Variants in SCUBE1 observed in about 807,000 individuals in gnomAD.
SCUBE1 encodes signal peptide, CUB and EGF-like domain-containing protein 1.
Under a neutral mutation model 124.4 loss-of-function variants are expected in SCUBE1, and 59 were observed. The ratio of observed to expected loss-of-function variants is 0.47; its 90% CI spans 0.38 to 0.59. The LOEUF (loss-of-function observed/expected upper bound fraction) is 0.59. Among genes scored for constraint, SCUBE1 ranks in the 20% least tolerant of loss-of-function variants. The probability of loss-of-function intolerance (pLI) is 0.00; values close to 1 mark genes in which losing one functional copy is unlikely to be tolerated. For synonymous variants in SCUBE1, 545 were observed against 550.9 expected, an observed-to-expected ratio of 0.99 and a Z score of 0.15; for missense variants, 1,150 against 1,371.2, an observed-to-expected ratio of 0.84 and a Z score of 2.55.
intron 7 of SCUBE1, among the ~76,000 whole-genome samples, chr22:43,233,233 G>T (rs1922626982): frequency 6.6e-6 from 1 of 152,144 alleles, no homozygotes; most frequent in South Asian, 2.1e-4. Context: ...GCGTGGTGGC[G>T]CATGCCTGTA....
At chr22:43,238,525 G>T in intron 7 of SCUBE1, 1 of 590,292 alleles carries the variant, frequency 1.7e-6, no homozygotes, top group Admixed American at 3.0e-5. Context: ...AAGTCCCACA[G>T]TAGAGACGCT....
At chr22:43,298,311 T>C (rs956389491) in intron 3 of SCUBE1, among the ~76,000 whole-genome samples, 1 of 152,166 alleles carries the variant, frequency 6.6e-6, no homozygotes, top group Non-Finnish European at 1.5e-5. Context: ...TGCTTCCTGG[T>C]CTGGGCATCA....
At chr22:43,339,277 C>A in intron 1 of SCUBE1, 42 bp from the exon 2 acceptor site, 1 of 1,599,656 alleles carries the variant, frequency 6.3e-7, no homozygotes, top group Non-Finnish European at 8.5e-7. Flanking sequence ...TAAGGTGTGG[C>A]CCCAGGGCAG....
intron 4 of SCUBE1, among the ~76,000 whole-genome samples, chr22:43,280,876 G>C (rs1601854277): frequency 8.4e-5 from 1 of 11,954 alleles, no homozygotes; most frequent in Non-Finnish European, 1.6e-4. Context: ...CAGTCACCCT[G>C]TCACCTCCCT....
At chr22:43,336,108 C>T (rs899661818) in intron 2 of SCUBE1, among the ~76,000 whole-genome samples, 3 of 152,136 alleles carry the variant, frequency 2.0e-5, no homozygotes, top group Non-Finnish European at 4.4e-5. Flanking sequence ...TGGATGCCAG[C>T]CCCCAGTGCA....
intron 4 of SCUBE1, among the ~76,000 whole-genome samples, chr22:43,270,900 T>C (rs974942580): frequency 2.0e-5 from 3 of 152,188 alleles, no homozygotes; most frequent in Non-Finnish European, 4.4e-5. Flanking sequence ...GGCTGAAAGT[T>C]CTCAGCATGG....
intron 7 of SCUBE1, chr22:43,238,580 A>G (rs1388121064): frequency 4.9e-6 from 3 of 607,346 alleles, no homozygotes; most frequent in South Asian, 4.0e-5. Context: ...CTCTGACATC[A>G]GTGCCTTTTT....
chr22:43,287,256 A>G (rs965059677), intron 4 of SCUBE1, among the ~76,000 whole-genome samples: 39 of 152,310 alleles, frequency 2.6e-4, no homozygotes, highest in African/African-American at 8.9e-4. Flanking sequence ...GTGTCCCCCA[A>G]ATCAAGCCTG....
At position 43,210,719 on chromosome 22, in the gene SCUBE1, C is replaced by T. The variant is rs1037872472; in HGVS notation, c.2383+203G>A. 6.6e-6 allele frequency among the ~76,000 whole-genome samples: 1 copy of T among 152,188 alleles called. No homozygotes were observed. The highest frequency in any genetic ancestry group is 6.5e-5 in the Admixed American group (1 of 15,286). ...GAACGATGGCCACCACTGTGGGCTC[C>T]GTAGAGTGGGCCAAGCCAGGGCTGC... is the stretch of plus-strand genomic sequence containing the variant. On this transcript the variant is annotated intron_variant, in intron 18 of 21. Transcript: ENST00000360835. The surrounding 1 kb of genome is among the most constrained non-coding windows in gnomAD (Gnocchi z 4.5).
chr22:43,229,104 C>T lies in SCUBE1; in HGVS notation c.1052G>A (p.Gly351Asp). 6.2e-7 allele frequency: 1 copy of T among 1,613,718 alleles called. No homozygotes were observed. Among genetic ancestry groups the T allele is most frequent in the South Asian group, 1.1e-5 (1 of 91,048 alleles). ...GTGGGTTGTCCCGTAGAGGATGTAGCCGCGGTGACACAGGCACTGGAAGCT... is the reference window on the plus strand; with the variant it reads ...GTGGGTTGTCCCGTAGAGGATGTAGTCGCGGTGACACAGGCACTGGAAGCT... ...PGSFQCLCHR[G>D]YILYGTTHCG... Residue 351 changes from glycine to aspartate, a missense_variant, in exon 9 of 22, where the codon GGC becomes GAC. By Grantham distance (94) the Gly-to-Asp change is moderately conservative (BLOSUM62 -1). Around this residue, in one of 3 missense-constraint regions of SCUBE1, gnomAD observed 337 missense variants for 482.1 expected, o/e 0.70. Transcript: ENST00000360835.
intron 6 of SCUBE1, among the ~76,000 whole-genome samples, chr22:43,251,494 AG>A (rs755165389): frequency 1.3e-5 from 2 of 152,142 alleles, no homozygotes; most frequent in Non-Finnish European, 1.5e-5. Flanking sequence ...GATTATCTGG[AG>A]GGGCCCAGCG....
Position 43,223,103 on chromosome 22 carries a change from C to A in SCUBE1, c.1321G>T (p.Val441Leu), listed in dbSNP as rs959897329. Reference sequence around the variant, plus strand: ...CAGGGACGGCCCGGGTTACCTGGCACGAAGAGTGTGTGAGCCGGGCAGGAA... The same window carrying A: ...CAGGGACGGCCCGGGTTACCTGGCAAGAAGAGTGTGTGAGCCGGGCAGGAA... ...FLSCPAHTLF[V>L]PDSENSYVLS... Residue 441 changes from valine to leucine, a missense_variant, in exon 11 of 22, where the codon GTG (valine) becomes TTG (leucine). By Grantham distance (32) the Val-to-Leu change is conservative. Around this residue, in one of 3 missense-constraint regions of SCUBE1, gnomAD observed 757 missense variants for 840.9 expected, o/e 0.90. Transcript: ENST00000360835. 1.3e-6 allele frequency: 2 copies of A among 1,541,224 alleles called. No individual in the cohort carries two copies. Among genetic ancestry groups the A allele is most frequent in the Admixed American group, 2.3e-5 (1 of 43,458 alleles).
In SCUBE1 at chr22:43,210,104, G is replaced by A; in HGVS notation, c.2520C>T (p.Val840=). 6.2e-7 allele frequency: 1 copy of A among 1,612,960 alleles called. No homozygotes were observed. The stretch of plus-strand genomic sequence containing the variant: ...CCTCGATGGGCAGGAAGATCTCAGG[G>A]ACCACGATGAGGATCCTGCGCTTTG... ...PPPKRRILIV[V]PEIFLPIEDE... is the part of the protein sequence containing the mutation. The change falls in exon 19 of 22, where the codon GTC becomes GTT. Residue 840 remains valine, a synonymous_variant. Transcript: ENST00000360835. This position sits in a 1 kb window ranked among gnomAD's most constrained non-coding sequence, Gnocchi z 4.5.
Position 43,211,207 on chromosome 22 carries a change from C to T in SCUBE1, c.2222-124G>A. ...TGTTTTGGCACAGAGTTCAAGGCTC[C>T]TCCCCACCGCCCCATGACCTCCCAC... On this transcript the variant is annotated intron_variant, in intron 17 of 21. Transcript: ENST00000360835. This position sits in a 1 kb window ranked among gnomAD's most constrained non-coding sequence, Gnocchi z 4.5. 2.1e-6 allele frequency: 2 copies of T among 975,086 alleles called. No homozygotes were observed. The highest frequency in any genetic ancestry group is 3.0e-6 in the Non-Finnish European group (2 of 656,970). The allele number at this position is 975,086 out of a possible 1,614,324, so 60.4% of individuals were successfully genotyped here.
intron 15 of SCUBE1, among the ~76,000 whole-genome samples, chr22:43,215,647 G>A (rs1921776459): frequency 6.6e-6 from 1 of 152,184 alleles, no homozygotes; most frequent in Non-Finnish European, 1.5e-5. Context: ...CCTGAGTCAG[G>A]TCCCCAGGAA....
At chr22:43,260,848 CA>C in intron 5 of SCUBE1, among the ~76,000 whole-genome samples, 1 of 152,200 alleles carries the variant, frequency 6.6e-6, no homozygotes, top group East Asian at 1.9e-4. Context: ...TAGCTGCTCA[CA>C]GGGCCCTGCC....
At chr22:43,218,124 C>T (rs1017376675) in intron 15 of SCUBE1, 131 bp downstream of exon 15, 28 of 820,266 alleles carry the variant, frequency 3.4e-5, no homozygotes, top group African/African-American at 1.7e-4. Flanking sequence ...TCCTTCTCCC[C>T]GGCAGGCCTC....
At position 43,203,548 on chromosome 22, in the gene SCUBE1, G is replaced by T. The variant is rs1259785661; in HGVS notation, c.*449C>A. The T allele has an allele frequency of 3.2e-5, 5 of 157,608 alleles. No homozygotes were observed. The highest frequency in any genetic ancestry group is 1.2e-4 in the African/African-American group (5 of 41,468). 9.8% of individuals were successfully genotyped at this position (157,608 alleles called of 1,614,324 possible). A position where few individuals can be genotyped will look rare whatever the true frequency, so the allele number is the denominator to read the frequency against. ...GTGGCTGGAGGAGTTGGCAAAGCGT[G>T]GGGCCCGCGGATGCCAGCACAGGCT... is the stretch of plus-strand genomic sequence containing the variant. On this transcript the variant is annotated 3_prime_UTR_variant, in exon 22 of 22. Transcript: ENST00000360835.
At chr22:43,286,640 C>T (rs1383024797) in intron 4 of SCUBE1, among the ~76,000 whole-genome samples, 7 of 152,322 alleles carry the variant, frequency 4.6e-5, no homozygotes, top group East Asian at 1.9e-4. Flanking sequence ...ATCCCCAGAG[C>T]GTTTCCCCTC....
Sources: allele counts gnomAD v4.1 joint callset (sites outside exome capture counted in the v4.1 genomes callset), GRCh38; gene constraint gnomAD v4.1.1; regional missense constraint gnomAD v4.1.1; non-coding constraint Gnocchi (gnomAD v3.1); transcripts MANE v1.5; gene names NCBI Gene and HGNC (gene_info 2026-07-23, HGNC 2026-07-21).